Variants in KTN1 observed in about 807,000 individuals in gnomAD.
KTN1 encodes the protein kinectin 1.
Under a neutral mutation model 222.5 loss-of-function variants are expected in KTN1, and 130 were observed. The observed-to-expected ratio is 0.58, with a 90% CI of 0.51 to 0.68. The LOEUF is 0.68. KTN1 is among the 30% of genes least tolerant of loss of function. The pLI, the probability that KTN1 is intolerant of heterozygous loss-of-function variation, is 0.00. For synonymous variants in KTN1, 512 were observed against 496.3 expected (o/e 1.03, Z -0.42); for missense variants, 1,508 against 1,500.4 (o/e 1.01, Z -0.08).
intron 7 of KTN1, among the ~76,000 whole-genome samples, chr14:55,632,323 G>A (rs2040621663): frequency 6.6e-6 from 1 of 152,160 alleles, no homozygotes; most frequent in East Asian, 1.9e-4. Context: ...GATTCCATAT[G>A]ATAACTTCTG....
chr14:55,661,670 T>C (rs2044157142), intron 32 of KTN1, 58 bp downstream of exon 32: 1 of 862,506 alleles, frequency 1.2e-6, no homozygotes, highest in East Asian at 2.6e-5. Context: ...CACTGAAATA[T>C]GGTTCAGGAA....
chr14:55,617,059 T>C (rs983335133), intron 3 of KTN1, among the ~76,000 whole-genome samples: 4 of 152,144 alleles, frequency 2.6e-5, no homozygotes, highest in Admixed American at 6.5e-5. Flanking sequence ...TAAACAGAAC[T>C]CACATGTGTA....
Position 55,639,206 on chromosome 14 carries a change from G to A in KTN1, c.1807G>A (p.Glu603Lys), listed in dbSNP as rs1231614017. The A allele has an allele frequency of 6.2e-7, 1 of 1,604,606 alleles. No homozygotes were observed. The highest frequency in any genetic ancestry group is 2.2e-5 in the East Asian group (1 of 44,730). The change falls in exon 13 of 44, where the codon GAA becomes AAA. Residue 603 changes from glutamate (E) to lysine (K), a missense_variant. By Grantham distance (56) the Glu-to-Lys change is moderately conservative. Coordinates refer to ENST00000395314, the MANE Select transcript of KTN1 (RefSeq NM_001079521.2). ...AAQTSASVLA[E>K]ELHKVIAEKD... ...TTAGACCTCCGCTTCAGTTCTAGCA[G>A]AAGAATTACATAAAGTGTAAGCCTA...
chr14:55,666,966 C>G (rs548005603), intron 33 of KTN1, among the ~76,000 whole-genome samples: 1 of 152,048 alleles, frequency 6.6e-6, no homozygotes, highest in East Asian at 1.9e-4. Context: ...ACAGGCAAAT[C>G]ACTTGATTTC....
rs753532916 is a variant in KTN1, at chr14:55,639,168, C to G, written c.1786-17C>G. 1.3e-6 allele frequency: 2 copies of G among 1,569,622 alleles called. No individual in the cohort carries two copies. Among genetic ancestry groups the G allele is most frequent in the South Asian group, 1.1e-5 (1 of 89,934 alleles). On this transcript the variant is annotated splice_polypyrimidine_tract_variant and intron_variant, in intron 12 of 43. Transcript: ENST00000395314. ...TCTCTTAAATACTTTTATGTTGACACTATTTTTCTTTCTTAGACCTCCGCT... is the reference window on the plus strand; with the variant it reads ...TCTCTTAAATACTTTTATGTTGACAGTATTTTTCTTTCTTAGACCTCCGCT...
intron 33 of KTN1, among the ~76,000 whole-genome samples, chr14:55,666,870 C>G (rs2044819791): frequency 6.6e-6 from 1 of 151,884 alleles, no homozygotes; most frequent in South Asian, 2.1e-4. Flanking sequence ...TGTGTTCCTC[C>G]AATGTGTATT....
chr14:55,658,943 C>T (rs886413669), intron 30 of KTN1, among the ~76,000 whole-genome samples: 5 of 152,112 alleles, frequency 3.3e-5, no homozygotes, highest in Admixed American at 6.5e-5. Flanking sequence ...CTTATCTCCC[C>T]TCTTCCCAAA....
intron 2 of KTN1, among the ~76,000 whole-genome samples, chr14:55,613,315 TGGGTGGATG>T (rs1181870756): frequency 6.6e-6 from 1 of 151,986 alleles, no homozygotes; most frequent in Non-Finnish European, 1.5e-5. Flanking sequence ...TTAGGTTTTT[TGGGTGGATG>T]GGGAGGGGAG....
chr14:55,661,396 A>T, intron 31 of KTN1, 126 bp from the exon 32 acceptor site: 1 of 573,818 alleles, frequency 1.7e-6, no homozygotes. Context: ...AGACTCTTTA[A>T]TGTACTTTTC....
chr14:55,615,500 A>G (rs1214519692), intron 2 of KTN1, among the ~76,000 whole-genome samples: 3 of 151,932 alleles, frequency 2.0e-5, no homozygotes, highest in African/African-American at 7.3e-5. Context: ...TCACTGCCAT[A>G]TTTTACTTAG....
intron 28 of KTN1, 63 bp from the exon 29 acceptor site, chr14:55,655,979 T>C (rs772189280): frequency 1.5e-5 from 13 of 896,278 alleles, no homozygotes; most frequent in Middle Eastern, 2.4e-4. Context: ...AGGGGTGATA[T>C]TGGAGTCTGG....
intron 1 of KTN1, among the ~76,000 whole-genome samples, chr14:55,592,670 C>G (rs534321376): frequency 1.3e-5 from 2 of 152,314 alleles, no homozygotes; most frequent in South Asian, 4.1e-4. Flanking sequence ...AGTCCCTCCT[C>G]CAGTCCCTAT....
rs534439479 is a variant in KTN1, at chr14:55,580,253, TGCGGCGGCG to T, written c.-113_-105del. On this transcript the variant is annotated 5_prime_UTR_variant, in exon 1 of 44. Coordinates refer to ENST00000395314, the MANE Select transcript of KTN1 (RefSeq NM_001079521.2). ...AGCGGCGCGACGGCACCTGAGCGAC[TGCGGCGGCG>T]GCGGCGGCGGCGGCGGCGCCTCGGA... The T allele has an allele frequency of 5.6e-3, 858 of 153,906 alleles. 7 individuals carry two copies. Among genetic ancestry groups the T allele is most frequent in the African/African-American group, 0.015 (594 of 40,842 alleles). 9.5% of individuals were successfully genotyped at this position (153,906 alleles called of 1,614,324 possible). A position where few individuals can be genotyped will look rare whatever the true frequency, so the allele number is the denominator to read the frequency against.
intron 6 of KTN1, among the ~76,000 whole-genome samples, chr14:55,629,483 G>A (rs1051563656): frequency 2.3e-4 from 34 of 147,518 alleles, no homozygotes; most frequent in Admixed American, 1.9e-3. Flanking sequence ...TTCTGAATTT[G>A]CTTTCCCTTG....
At chr14:55,585,187 AT>A (rs1566645841) in intron 1 of KTN1, among the ~76,000 whole-genome samples, 1 of 151,002 alleles carries the variant, frequency 6.6e-6, no homozygotes, top group East Asian at 1.9e-4. Flanking sequence ...TGGATAACTC[AT>A]TATTGGATAC....
intron 33 of KTN1, among the ~76,000 whole-genome samples, 187 bp from the exon 34 acceptor site, chr14:55,667,054 G>T (rs991180733): frequency 6.6e-6 from 1 of 151,894 alleles, no homozygotes; most frequent in Non-Finnish European, 1.5e-5. Context: ...TAGAGATTTT[G>T]CAGATTTTTT....
rs1259443715 is a variant in KTN1 at position 55,612,255 on chromosome 14, T to C, written c.207T>C (p.Asn69=). Residue 69 remains asparagine (N), a synonymous_variant, in exon 2 of 44, where the codon AAT becomes AAC. Transcript: ENST00000395314. ...KKKNKKKEIQ[N]GNLHESDSES... Reference sequence around the variant, plus strand: ...AGAATAAAAAGAAAGAAATCCAGAATGGAAACCTCCATGAATCCGACTCTG... The same window carrying C: ...AGAATAAAAAGAAAGAAATCCAGAACGGAAACCTCCATGAATCCGACTCTG... 6.3e-7 allele frequency: 1 copy of C among 1,592,598 alleles called. No homozygotes were observed.
intron 24 of KTN1, chr14:55,651,520 T>G: frequency 2.6e-6 from 1 of 377,688 alleles, no homozygotes; most frequent in Non-Finnish European, 5.1e-6. Context: ...TAATTTTCAG[T>G]ACTGTAGAAG....
intron 43 of KTN1, chr14:55,682,908 T>G (rs2046493158): frequency 6.6e-6 from 1 of 152,158 alleles, no homozygotes; most frequent in African/African-American, 2.4e-5. Context: ...AATTCTGACT[T>G]TTTCCTAAAG....
Sources: allele counts gnomAD v4.1 joint callset (sites outside exome capture counted in the v4.1 genomes callset), GRCh38; gene constraint gnomAD v4.1.1; transcripts MANE v1.5; gene names NCBI Gene and HGNC (gene_info 2026-07-23, HGNC 2026-07-21).